Variants in FAIM2 observed in about 807,000 individuals in gnomAD.
The protein encoded by FAIM2 is Fas apoptotic inhibitory molecule 2, also known as protein lifeguard 2.
FAIM2 carries 27 observed loss-of-function variants against 47.4 expected under a neutral mutation model. The observed-to-expected ratio is 0.57, with a 90% CI of 0.42 to 0.78. FAIM2 has a LOEUF of 0.78. Among genes scored for constraint, FAIM2 ranks in the 30% least tolerant of loss-of-function variants. FAIM2 has a pLI of 0.00. For synonymous variants in FAIM2, 156 were observed against 159.3 expected, an observed-to-expected ratio of 0.98 and a Z score of 0.16; for missense variants, 311 against 389.4, an observed-to-expected ratio of 0.80 and a Z score of 1.69.
intron 5 of FAIM2, among the ~76,000 whole-genome samples, chr12:49,895,340 A>G (rs558270148): frequency 1.6e-4 from 24 of 151,588 alleles, no homozygotes; most frequent in South Asian, 4.2e-4. Flanking sequence ...ATCCCCCCCA[A>G]TGGAGTGGAC....
At chr12:49,889,417 C>G (rs941845658) in intron 9 of FAIM2, 64 bp downstream of exon 9, 9 of 1,470,066 alleles carry the variant, frequency 6.1e-6, no homozygotes, top group Non-Finnish European at 7.6e-6. Flanking sequence ...AGGCCCCCAC[C>G]CCATCTGCCT....
chr12:49,882,578 A>C (rs533609874), intron 11 of FAIM2, among the ~76,000 whole-genome samples: 2 of 152,278 alleles, frequency 1.3e-5, no homozygotes, highest in South Asian at 4.1e-4. Flanking sequence ...CTGCAGGATG[A>C]TCCCGACCAG....
At position 49,879,827 on chromosome 12, in the gene FAIM2, T is replaced by C. The variant is rs1053310961; in HGVS notation, c.801+7559A>G. Among the ~76,000 whole-genome samples, 12 of 151,816 alleles carry C rather than the reference T, an allele frequency of 7.9e-5. No homozygotes were observed. The East Asian group carries it at 2.3e-3, about 29-fold the overall frequency. On this transcript the variant is annotated intron_variant, in intron 11 of 11. Transcript: ENST00000320634. ...ACGACTGTGTATGTGCATGTGTATA[T>C]GTGCGTGCATGTGTGAGTGTATGTA...
At chr12:49,895,862 G>GTT (rs1946933027) in intron 5 of FAIM2, among the ~76,000 whole-genome samples, 3 of 152,198 alleles carry the variant, frequency 2.0e-5, no homozygotes, top group South Asian at 4.1e-4. Context: ...CCTTGGCCAG[G>GTT]CAGTCAGAAC....
chr12:49,875,421 G>A (rs1946729470), intron 11 of FAIM2, among the ~76,000 whole-genome samples: 1 of 152,182 alleles, frequency 6.6e-6, no homozygotes, highest in Non-Finnish European at 1.5e-5. Flanking sequence ...TGGGCTGCAG[G>A]AGAGGGTGAG....
At chr12:49,898,689 G>C (rs1288750140) in intron 2 of FAIM2, among the ~76,000 whole-genome samples, 1 of 152,032 alleles carries the variant, frequency 6.6e-6, no homozygotes, top group Non-Finnish European at 1.5e-5. Flanking sequence ...ATCACGCCTG[G>C]CTAATATTTT....
At chr12:49,892,032 T>A (rs775362137) in intron 5 of FAIM2, among the ~76,000 whole-genome samples, 16 of 152,022 alleles carry the variant, frequency 1.1e-4, no homozygotes, top group Non-Finnish European at 2.4e-4. Context: ...CCTTTCCCCA[T>A]CTCCTTCCTC....
chr12:49,900,124 G>A, intron 2 of FAIM2: 1 of 1,056,276 alleles, frequency 9.5e-7, no homozygotes, highest in Non-Finnish European at 1.3e-6. Flanking sequence ...GGGTGTGTAG[G>A]GAAGGGAGGA....
intron 11 of FAIM2, among the ~76,000 whole-genome samples, chr12:49,886,020 C>T (rs950222822): frequency 1.3e-5 from 2 of 152,164 alleles, no homozygotes; most frequent in African/African-American, 4.8e-5. Context: ...CATTTCAGCC[C>T]CCTCAGCCTG....
At chr12:49,873,417 T>G (rs1946715913) in intron 11 of FAIM2, among the ~76,000 whole-genome samples, 1 of 152,156 alleles carries the variant, frequency 6.6e-6, no homozygotes. Flanking sequence ...AAGCACATTT[T>G]CCTTCTGCAG....
At chr12:49,893,541 G>A (rs564754683) in intron 5 of FAIM2, among the ~76,000 whole-genome samples, 31 of 152,282 alleles carry the variant, frequency 2.0e-4, no homozygotes, top group Non-Finnish European at 3.2e-4. Flanking sequence ...TGCCTGGTAG[G>A]TGCTCTTCAA....
intron 11 of FAIM2, among the ~76,000 whole-genome samples, chr12:49,883,713 T>C (rs1325949856): frequency 1.3e-5 from 2 of 151,286 alleles, no homozygotes; most frequent in African/African-American, 4.9e-5. Context: ...AAGAGAAGAG[T>C]CGGCCTTTTG....
At chr12:49,900,985 T>G (rs2137109418) in intron 2 of FAIM2, 145 bp downstream of exon 2, 1 of 597,306 alleles carries the variant, frequency 1.7e-6, no homozygotes, top group Middle Eastern at 4.5e-4. Context: ...TCAGACTAGT[T>G]CTCCAAATCC....
chr12:49,882,392 TGGGCCTCCGA>T (rs1946832204), intron 11 of FAIM2, among the ~76,000 whole-genome samples: 1 of 152,162 alleles, frequency 6.6e-6, no homozygotes. Context: ...GTTATGGTGC[TGGGCCTCCGA>T]GGGCCTTCGT....
chr12:49,896,146 G>A (rs993186298), intron 5 of FAIM2, among the ~76,000 whole-genome samples: 33 of 152,120 alleles, frequency 2.2e-4, no homozygotes, highest in African/African-American at 7.2e-4. Flanking sequence ...GCTACCTTGG[G>A]CCACCCAATA....
intron 11 of FAIM2, among the ~76,000 whole-genome samples, chr12:49,886,905 AATC>A (rs1376603944): frequency 6.6e-6 from 1 of 152,176 alleles, no homozygotes; most frequent in Non-Finnish European, 1.5e-5. Flanking sequence ...TCCTAACCGT[AATC>A]ATCATCATCA....
At chr12:49,893,674 T>TC (rs1393772464) in intron 5 of FAIM2, among the ~76,000 whole-genome samples, 2 of 152,170 alleles carry the variant, frequency 1.3e-5, no homozygotes, top group African/African-American at 2.4e-5. Flanking sequence ...CTTAACCCTT[T>TC]CCTGGTCTTC....
chr12:49,898,876 T>C (rs1437081380), intron 2 of FAIM2, among the ~76,000 whole-genome samples: 1 of 152,024 alleles, frequency 6.6e-6, no homozygotes, highest in Non-Finnish European at 1.5e-5. Flanking sequence ...TGGGGACTGG[T>C]TGGCTGTGGT....
chr12:49,882,836 G>A (rs1022206468), intron 11 of FAIM2, among the ~76,000 whole-genome samples: 6 of 152,218 alleles, frequency 3.9e-5, no homozygotes, highest in African/African-American at 1.2e-4. Context: ...CACTGGGGCT[G>A]CAGTGATGAA....
Sources: gnomAD v4.1 joint callset for allele counts (sites outside exome capture counted in the v4.1 genomes callset) on GRCh38, gnomAD v4.1.1 for gene constraint, MANE v1.5 for transcripts, NCBI Gene and HGNC (gene_info 2026-07-23, HGNC 2026-07-21) for gene names.